The following IGF1R variants were observed in gnomAD, a reference collection of about 807,000 sequenced individuals.
The protein encoded by IGF1R is insulin like growth factor 1 receptor.
IGF1R carries 44 observed loss-of-function variants against 144.6 expected under a neutral mutation model. That is an observed-to-expected ratio of 0.30 (90% CI 0.24 to 0.39). IGF1R has a LOEUF of 0.39. Ranked by LOEUF, IGF1R falls within the 10% of genes least tolerant of loss-of-function variation. The pLI is 1.00. For synonymous variants in IGF1R, 795 were observed against 722.8 expected (o/e 1.10, Z -1.60); for missense variants, 1,355 against 1,833.7 (o/e 0.74, Z 4.77).
intron 2 of IGF1R, among the ~76,000 whole-genome samples, chr15:98,810,747 A>C (rs1364374258): frequency 6.6e-6 from 1 of 151,372 alleles, no homozygotes; most frequent in Admixed American, 6.6e-5. Context: ...ACGGGGTTTC[A>C]CCGTGTTAGC....
At chr15:98,773,071 C>T (rs184602140) in intron 2 of IGF1R, among the ~76,000 whole-genome samples, 1 of 152,222 alleles carries the variant, frequency 6.6e-6, no homozygotes, top group African/African-American at 2.4e-5. Context: ...TCATCTGTGG[C>T]CAAGTATAGA....
chr15:98,888,728 A>G (rs936996570), intron 2 of IGF1R, among the ~76,000 whole-genome samples: 1 of 152,214 alleles, frequency 6.6e-6, no homozygotes, highest in African/African-American at 2.4e-5. Flanking sequence ...CTTTAGAGAT[A>G]GCTCTGAAGA....
rs2015096899 is a variant in IGF1R at position 98,913,156 on chromosome 15, C to A, written c.1702C>A (p.Leu568Ile). The A allele has an allele frequency of 6.2e-7, 1 of 1,614,086 alleles. No homozygotes were observed. The highest frequency in any genetic ancestry group is 1.3e-5 in the African/African-American group (1 of 74,948). Reference sequence around the variant, plus strand: ...CAAGGACGTGGAGCCCGGCATCTTACTACATGGGCTGAAGCCCTGGACTCA... The same window carrying A: ...CAAGGACGTGGAGCCCGGCATCTTAATACATGGGCTGAAGCCCTGGACTCA... ...PNKDVEPGILLHGLKPWTQYA... is the reference protein window; with the variant it reads ...PNKDVEPGILIHGLKPWTQYA... The change falls in exon 8 of 21, where the codon CTA becomes ATA. Residue 568 changes from leucine (L) to isoleucine (I), a missense_variant. Leu to Ile is a conservative substitution (Grantham distance 5). Transcript: ENST00000650285.
intron 2 of IGF1R, among the ~76,000 whole-genome samples, chr15:98,735,559 A>T (rs2054591475): frequency 6.6e-6 from 1 of 152,242 alleles, no homozygotes; most frequent in South Asian, 2.1e-4. Context: ...AGATGCTCTG[A>T]TGTGCCAGCC....
chr15:98,766,550 G>T (rs2055441380), intron 2 of IGF1R, among the ~76,000 whole-genome samples: 2 of 152,240 alleles, frequency 1.3e-5, no homozygotes, highest in South Asian at 4.1e-4. Flanking sequence ...TAATATAGCT[G>T]CATGATTTGA....
chr15:98,659,637 A>G (rs1016064617), intron 1 of IGF1R, among the ~76,000 whole-genome samples: 1 of 152,220 alleles, frequency 6.6e-6, no homozygotes, highest in Non-Finnish European at 1.5e-5. Context: ...TAAGTGATGC[A>G]GACAGGCGCA....
intron 18 of IGF1R, among the ~76,000 whole-genome samples, chr15:98,939,916 C>T (rs1048062504): frequency 6.6e-6 from 1 of 152,162 alleles, no homozygotes; most frequent in African/African-American, 2.4e-5. Flanking sequence ...TGGCCAGCCT[C>T]CAAGCTCTCG....
chr15:98,929,740 G>T, intron 14 of IGF1R, 80 bp downstream of exon 14: 1 of 990,964 alleles, frequency 1.0e-6, no homozygotes, highest in East Asian at 2.4e-5. Context: ...TGATATTTTT[G>T]AAGATTTCAA....
chr15:98,904,227 T>C (rs925264298), intron 5 of IGF1R, among the ~76,000 whole-genome samples: 1 of 152,022 alleles, frequency 6.6e-6, no homozygotes, highest in Non-Finnish European at 1.5e-5. Flanking sequence ...AATTTTTTTG[T>C]ATTTTTAGTA....
chr15:98,845,496 TCTCCTCCTCCCTC>T (rs1259766209), intron 2 of IGF1R, among the ~76,000 whole-genome samples: 5 of 93,738 alleles, frequency 5.3e-5, no homozygotes, highest in African/African-American at 2.1e-4. Flanking sequence ...CCTCCTTCCT[TCTCCTCCTCCCTC>T]CTCCTCCTTC....
At chr15:98,926,663 G>A (rs1047069205) in intron 13 of IGF1R, among the ~76,000 whole-genome samples, 4 of 152,202 alleles carry the variant, frequency 2.6e-5, no homozygotes, top group African/African-American at 9.6e-5. Flanking sequence ...TGTGATATCT[G>A]AAAATCCTAA....
intron 2 of IGF1R, among the ~76,000 whole-genome samples, chr15:98,841,413 C>T (rs976566127): frequency 6.6e-6 from 1 of 152,148 alleles, no homozygotes; most frequent in Non-Finnish European, 1.5e-5. Context: ...AGTTACTATA[C>T]GTAAAGTTTT....
intron 1 of IGF1R, among the ~76,000 whole-genome samples, chr15:98,682,751 T>A (rs2053224319): frequency 6.6e-6 from 1 of 152,010 alleles, no homozygotes; most frequent in Non-Finnish European, 1.5e-5. Flanking sequence ...TTTCACCATG[T>A]TGGCCAGGCT....
intron 2 of IGF1R, among the ~76,000 whole-genome samples, chr15:98,744,236 C>CAGCACAGCGAGGAA (rs987309750): frequency 1.3e-5 from 2 of 151,930 alleles, no homozygotes; most frequent in Non-Finnish European, 2.9e-5. Context: ...CAGGTGGCTC[C>CAGCACAGCGAGGAA]AGCACAGCGA....
Position 98,649,610 on chromosome 15 carries a change from C to A in IGF1R, c.29C>A (p.Pro10Gln). The A allele has an allele frequency of 6.2e-7, 1 of 1,609,296 alleles. No homozygotes were observed. The highest frequency in any genetic ancestry group is 8.5e-7 in the Non-Finnish European group (1 of 1,178,262). ...AAGTCTGGCTCCGGAGGAGGGTCCC[C>A]GACCTCGCTGTGGGGGCTCCTGTTT... Reference protein sequence around the residue: MKSGSGGGSPTSLWGLLFLS... With the variant: MKSGSGGGSQTSLWGLLFLS... The change falls in exon 1 of 21, where the codon CCG becomes CAG. Residue 10 changes from proline to glutamine, a missense_variant. Transcript: ENST00000650285.
At chr15:98,871,098 T>C (rs1326701539) in intron 2 of IGF1R, among the ~76,000 whole-genome samples, 1 of 152,222 alleles carries the variant, frequency 6.6e-6, no homozygotes, top group East Asian at 1.9e-4. Flanking sequence ...ATGTTCTTGC[T>C]TGCAACTCAG....
chr15:98,663,717 G>A (rs1384160175), intron 1 of IGF1R, among the ~76,000 whole-genome samples: 1 of 152,202 alleles, frequency 6.6e-6, no homozygotes, highest in African/African-American at 2.4e-5. Context: ...GGCTGGGCCA[G>A]GCTGATGCAG....
intron 10 of IGF1R, among the ~76,000 whole-genome samples, chr15:98,921,443 ACT>A (rs2015482075): frequency 6.6e-6 from 1 of 151,836 alleles, no homozygotes. Context: ...CATGACGAGG[ACT>A]CTGCTCTCTG....
intron 13 of IGF1R, 30 bp from the exon 14 acceptor site, chr15:98,929,528 T>C (rs369632360): frequency 7.3e-5 from 112 of 1,528,168 alleles, no homozygotes; most frequent in Non-Finnish European, 9.3e-5. Flanking sequence ...CACCTGGTGA[T>C]ATTTTATCAT....
Sources: allele counts gnomAD v4.1 joint callset (sites outside exome capture counted in the v4.1 genomes callset), GRCh38; gene constraint gnomAD v4.1.1; transcripts MANE v1.5; gene names NCBI Gene and HGNC (gene_info 2026-07-23, HGNC 2026-07-21).